PDSS2: variants seen among roughly 807,000 people sequenced by gnomAD.
PDSS2 encodes decaprenyl diphosphate synthase subunit 2.
Under a neutral mutation model 44.5 loss-of-function variants are expected in PDSS2, and 31 were observed. The ratio of observed to expected loss-of-function variants is 0.70; its 90% CI spans 0.52 to 0.94. The LOEUF (loss-of-function observed/expected upper bound fraction) is 0.94, where lower values mean the gene tolerates loss of function less well. PDSS2 is among the 40% of genes least tolerant of loss of function. PDSS2 has a pLI of 0.00. For synonymous variants in PDSS2, 157 were observed against 180.3 expected, an observed-to-expected ratio of 0.87 and a Z score of 1.03; for missense variants, 452 against 482.2, an observed-to-expected ratio of 0.94 and a Z score of 0.59.
chr6:107,264,478 T>C, intron 3 of PDSS2: 1 of 1,548,468 alleles, frequency 6.5e-7, no homozygotes, highest in Non-Finnish European at 8.7e-7. Flanking sequence ...GTCTCCCATC[T>C]GATATATAGC....
chr6:107,429,047 G>A (rs1781089870), intron 1 of PDSS2, among the ~76,000 whole-genome samples: 1 of 152,194 alleles, frequency 6.6e-6, no homozygotes, highest in South Asian at 2.1e-4. Flanking sequence ...TGCTCTGGGA[G>A]AATGCAAACT....
chr6:107,371,039 C>A (rs191759756), intron 1 of PDSS2, among the ~76,000 whole-genome samples: 1 of 151,940 alleles, frequency 6.6e-6, no homozygotes, highest in East Asian at 1.9e-4. Context: ...AAAAATTAGC[C>A]GGGCTTGGTG....
chr6:107,452,761 A>T (rs1781914854), intron 1 of PDSS2, among the ~76,000 whole-genome samples: 1 of 148,426 alleles, frequency 6.7e-6, no homozygotes, highest in African/African-American at 2.5e-5. Context: ...CCGCCTCCCA[A>T]GTTCAAGCGA....
chr6:107,258,841 T>C (rs1356268390), intron 3 of PDSS2, among the ~76,000 whole-genome samples: 2 of 152,236 alleles, frequency 1.3e-5, no homozygotes, highest in African/African-American at 4.8e-5. Context: ...TCAATGTTTG[T>C]ATTGAAATAT....
At chr6:107,237,961 C>T (rs887296223) in intron 4 of PDSS2, among the ~76,000 whole-genome samples, 1 of 149,418 alleles carries the variant, frequency 6.7e-6, no homozygotes, top group Non-Finnish European at 1.5e-5. Flanking sequence ...TCTTGCCCCA[C>T]AAAAACATAA....
intron 2 of PDSS2, among the ~76,000 whole-genome samples, chr6:107,311,895 C>G (rs1159505666): frequency 6.6e-6 from 1 of 152,160 alleles, no homozygotes; most frequent in East Asian, 1.9e-4. Context: ...ATAGTCTGTG[C>G]TCAGTACACA....
chr6:107,416,399 C>G (rs1338071895), intron 1 of PDSS2, among the ~76,000 whole-genome samples: 2 of 152,124 alleles, frequency 1.3e-5, no homozygotes, highest in African/African-American at 2.4e-5. Context: ...GATTATTCCT[C>G]TAAGTGCAAA....
intron 1 of PDSS2, among the ~76,000 whole-genome samples, chr6:107,348,842 C>G (rs987136566): frequency 6.6e-6 from 1 of 151,976 alleles, no homozygotes; most frequent in Non-Finnish European, 1.5e-5. Flanking sequence ...GCAGGCAGTG[C>G]TCTTAGCATT....
At chr6:107,197,752 C>T (rs1476174149) in intron 6 of PDSS2, 8 of 460,406 alleles carry the variant, frequency 1.7e-5, no homozygotes, top group Non-Finnish European at 3.6e-5. Flanking sequence ...CTGTCATTTC[C>T]TCACTGTCAA....
intron 3 of PDSS2, among the ~76,000 whole-genome samples, chr6:107,267,614 G>C (rs945723786): frequency 6.7e-6 from 1 of 149,244 alleles, no homozygotes; most frequent in Non-Finnish European, 1.5e-5. Context: ...TTTGAGACAG[G>C]GGCTCTATTG....
At chr6:107,240,098 C>A (rs767450980) in intron 4 of PDSS2, among the ~76,000 whole-genome samples, 1 of 151,992 alleles carries the variant, frequency 6.6e-6, no homozygotes, top group African/African-American at 2.4e-5. Context: ...AACTGGGGAA[C>A]TCTTGACCAT....
chr6:107,163,538 A>G (rs1223341028), intron 7 of PDSS2, among the ~76,000 whole-genome samples: 2 of 152,168 alleles, frequency 1.3e-5, no homozygotes, highest in Non-Finnish European at 2.9e-5. Context: ...CCATAAATGA[A>G]ACTCATTTTT....
chr6:107,205,783 G>A (rs1052248528), intron 6 of PDSS2, among the ~76,000 whole-genome samples: 1 of 152,156 alleles, frequency 6.6e-6, no homozygotes. Flanking sequence ...TCAGGAGAAA[G>A]GAGCTGCTGG....
In PDSS2 at chr6:107,274,214, C is replaced by A. The variant is rs1263277213; in HGVS notation, c.445G>T (p.Ala149Ser). The A allele has an allele frequency of 1.2e-6, 2 of 1,612,898 alleles. No individual in the cohort carries two copies. The highest frequency in any genetic ancestry group is 1.7e-6 in the Non-Finnish European group (2 of 1,178,876). ...ATATGAATTAGCTCCGTGATCTCTG[C>A]CAAACTTCTTTGACTAAAACATAAA... is the stretch of plus-strand genomic sequence containing the variant. ...SGIYSCQRSL[A>S]EITELIHIAL... is the part of the protein sequence containing the mutation. Residue 149 changes from alanine (A) to serine (S), a missense_variant, in exon 3 of 8, where the codon GCA (alanine) becomes TCA (serine). Ala to Ser is a moderately conservative substitution (Grantham distance 99, BLOSUM62 1). Transcript: ENST00000369037.
intron 1 of PDSS2, among the ~76,000 whole-genome samples, chr6:107,446,474 T>C (rs1020257803): frequency 6.6e-6 from 1 of 152,182 alleles, no homozygotes; most frequent in African/African-American, 2.4e-5. Flanking sequence ...ACAGACCTTA[T>C]TCCATTTTCA....
chr6:107,426,184 T>C (rs1483666086), intron 1 of PDSS2, among the ~76,000 whole-genome samples: 1 of 151,994 alleles, frequency 6.6e-6, no homozygotes, highest in Non-Finnish European at 1.5e-5. Context: ...CTGTGTAGTC[T>C]AGGGACTTGG....
rs144393431 is a variant in PDSS2, at chr6:107,229,970, T to G, written c.702+15578A>C. The G allele has an allele frequency of 6.5e-5, 14 of 214,478 alleles. 1 individual carries two copies. The highest frequency in any genetic ancestry group is 3.0e-4 in the African/African-American group (13 of 43,396). The allele number at this position is 214,478 out of a possible 1,614,324, so 13.3% of individuals were successfully genotyped here. ...ATTGGTGGCGGCAAGAAAACTGGCT[T>G]TGGCATGATGTACGACTCGCTGGAT... On this transcript the variant is annotated intron_variant, in intron 4 of 7. Transcript: ENST00000369037.
At chr6:107,434,374 G>C (rs1451069653) in intron 1 of PDSS2, among the ~76,000 whole-genome samples, 1 of 152,190 alleles carries the variant, frequency 6.6e-6, no homozygotes, top group Non-Finnish European at 1.5e-5. Flanking sequence ...GAACAGATGA[G>C]TGCATAAAGC....
Position 107,313,986 on chromosome 6 carries a change from C to T in PDSS2, c.431+20212G>A, listed in dbSNP as rs189684013. Among the ~76,000 whole-genome samples, 63 of 152,022 alleles carry T rather than the reference C, an allele frequency of 4.1e-4. No individual in the cohort carries two copies. In the East Asian group the frequency reaches 6.4e-3, roughly 15 times the overall value. Reference sequence around the variant, plus strand: ...GGCAACATAGCAAGATCCTGTTCTGCGCATGAAGGTAGCACTTGTAGTCCC... The same window carrying T: ...GGCAACATAGCAAGATCCTGTTCTGTGCATGAAGGTAGCACTTGTAGTCCC... On this transcript the variant is annotated intron_variant, in intron 2 of 7. Coordinates refer to ENST00000369037, the MANE Select transcript of PDSS2 (RefSeq NM_020381.4).
Sources: gnomAD v4.1 joint callset for allele counts (sites outside exome capture counted in the v4.1 genomes callset) on GRCh38, gnomAD v4.1.1 for gene constraint, MANE v1.5 for transcripts, NCBI Gene and HGNC (gene_info 2026-07-23, HGNC 2026-07-21) for gene names.